Variants in BBS4 observed in about 807,000 individuals in gnomAD.
BBS4 encodes Bardet-Biedl syndrome 4.
In BBS4, 58 loss-of-function variants were observed where a neutral mutation model predicts 71.4. The observed-to-expected ratio is 0.81, with a 90% CI of 0.66 to 1.01. The LOEUF (loss-of-function observed/expected upper bound fraction) is 1.01. Among genes scored for constraint, BBS4 ranks in the 50% least tolerant of loss-of-function variants. BBS4 has a pLI of 0.00. For missense variants in BBS4, 660 were observed against 607.9 expected (o/e 1.09, Z -0.90); for synonymous variants, 228 against 216.8 (o/e 1.05, Z -0.46).
chr15:72,701,698 A>G (rs532451052), intron 2 of BBS4, among the ~76,000 whole-genome samples: 5 of 152,252 alleles, frequency 3.3e-5, no homozygotes, highest in East Asian at 1.9e-4. Flanking sequence ...TTAGTATCCT[A>G]TGTGCCCTTT....
chr15:72,736,238 C>CTTTT (rs35502034), intron 14 of BBS4, among the ~76,000 whole-genome samples: 32 of 113,454 alleles, frequency 2.8e-4, no homozygotes, highest in East Asian at 8.9e-4. Context: ...TTCTATTTCA[C>CTTTT]TTTTTTTTTT....
In BBS4 at chr15:72,729,626, A is replaced by G; in HGVS notation, c.653A>G (p.Tyr218Cys). 3.7e-6 allele frequency: 6 copies of G among 1,614,022 alleles called. No homozygotes were observed. The highest frequency in any genetic ancestry group is 5.1e-6 in the Non-Finnish European group (6 of 1,179,956). The change falls in exon 10 of 16, where the codon TAC becomes TGC. Residue 218 changes from tyrosine to cysteine, a missense_variant. Transcript: ENST00000268057. ...LGLLYLQLGI[Y>C]QKAFEHLGNA... ...TGCTTTTTTTCCAAGCTCGGCATTT[A>G]CCAGAAGGCATTTGAACATCTTGGC... is the stretch of plus-strand genomic sequence containing the variant.
At chr15:72,699,488 C>G (rs961624659) in intron 2 of BBS4, among the ~76,000 whole-genome samples, 4 of 152,128 alleles carry the variant, frequency 2.6e-5, no homozygotes, top group African/African-American at 9.7e-5. Flanking sequence ...GCTAGTAAAT[C>G]TTTAAATCTG....
At chr15:72,709,978 C>G (rs1333664073) in intron 3 of BBS4, among the ~76,000 whole-genome samples, 199 bp downstream of exon 3, 2 of 152,086 alleles carry the variant, frequency 1.3e-5, no homozygotes. Context: ...TGGCCCCCAA[C>G]AAACAAATAT....
At chr15:72,697,744 T>G (rs1268775633) in intron 2 of BBS4, among the ~76,000 whole-genome samples, 2 of 152,206 alleles carry the variant, frequency 1.3e-5, no homozygotes, top group African/African-American at 4.8e-5. Context: ...TCTCCCTCAC[T>G]CTTTCCTCCT....
At chr15:72,735,370 CTG>C in intron 13 of BBS4, 188 bp downstream of exon 13, 1 of 633,834 alleles carries the variant, frequency 1.6e-6, no homozygotes, top group Non-Finnish European at 2.9e-6. Flanking sequence ...AATTGACACT[CTG>C]AGAAAATGTT....
At chr15:72,688,259 C>T (rs546736552) in intron 1 of BBS4, among the ~76,000 whole-genome samples, 2 of 151,712 alleles carry the variant, frequency 1.3e-5, no homozygotes, top group Non-Finnish European at 2.9e-5. Flanking sequence ...GCTTTTGTTT[C>T]GATATGACTT....
chr15:72,733,936 ATATTT>A (rs922845391), intron 12 of BBS4, among the ~76,000 whole-genome samples: 2 of 152,152 alleles, frequency 1.3e-5, no homozygotes, highest in African/African-American at 2.4e-5. Flanking sequence ...CCAGGATGTT[ATATTT>A]TGAGTTTTTA....
Position 72,736,813 on chromosome 15 carries a change from C to A in BBS4, c.1300C>A (p.Leu434Met). The A allele has an allele frequency of 6.2e-7, 1 of 1,614,222 alleles. No individual in the cohort carries two copies. The highest frequency in any genetic ancestry group is 8.5e-7 in the Non-Finnish European group (1 of 1,180,032). ...LGAALQVGEA[L>M]VWTKPVKDPK... ...AGCTGCTCTCCAGGTTGGGGAGGCA[C>A]TGGTCTGGACCAAACCAGTTAAAGA... The change falls in exon 15 of 16, where the codon CTG (leucine) becomes ATG (methionine). Residue 434 changes from leucine (L) to methionine (M), a missense_variant. Leu to Met is a conservative substitution (Grantham distance 15, BLOSUM62 2). Coordinates refer to ENST00000268057, the MANE Select transcript of BBS4 (RefSeq NM_033028.5).
At position 72,713,584 on chromosome 15, in the gene BBS4, C is replaced by T. The variant is rs559329462; in HGVS notation, c.220+1277C>T. 9.7e-4 allele frequency among the ~76,000 whole-genome samples: 148 copies of T among 152,142 alleles called. 1 individual carries two copies. Among genetic ancestry groups the T allele is most frequent in the Middle Eastern group, 3.4e-3 (1 of 294 alleles). On this transcript the variant is annotated intron_variant, in intron 4 of 15. Transcript: ENST00000268057. Reference sequence around the variant, plus strand: ...CTAAAATAAAGATTAAAATGTATAGCGTAGTAAATACATAAACCAGTAATG... The same window carrying T: ...CTAAAATAAAGATTAAAATGTATAGTGTAGTAAATACATAAACCAGTAATG...
At chr15:72,735,802 C>T in intron 13 of BBS4, 23 bp from the exon 14 acceptor site, 1 of 1,614,066 alleles carries the variant, frequency 6.2e-7, no homozygotes, top group Non-Finnish European at 8.5e-7. Context: ...CCCCCAGCTC[C>T]ATAGAATCTC....
At position 72,709,748 on chromosome 15, in the gene BBS4, A is replaced by G. The variant is rs767043854; in HGVS notation, c.125A>G (p.His42Arg). ...AAGCAGAACTGGTTGATTCATCTTC[A>G]TTATATCCGGAAAGATTATGAAGCC... is the stretch of plus-strand genomic sequence containing the variant. The part of the protein sequence containing the change: ...LEKQNWLIHL[H>R]YIRKDYEACK... Residue 42 changes from histidine (H) to arginine (R), a missense_variant, in exon 3 of 16, where the codon CAT becomes CGT. Coordinates refer to ENST00000268057, the MANE Select transcript of BBS4 (RefSeq NM_033028.5). The G allele has an allele frequency of 6.2e-7, 1 of 1,613,836 alleles. No homozygotes were observed. Among genetic ancestry groups the G allele is most frequent in the Non-Finnish European group, 8.5e-7 (1 of 1,179,866 alleles).
intron 1 of BBS4, among the ~76,000 whole-genome samples, chr15:72,687,124 C>CTTATTTTTTTTTTTTTTTTTTTT (rs2064865767): frequency 1.3e-5 from 1 of 76,210 alleles, no homozygotes; most frequent in African/African-American, 4.9e-5. Flanking sequence ...AAGACAGAAA[C>CTTATTTTTTTTTTTTTTTTTTTT]TTTTTTTTTT....
chr15:72,736,530 C>T (rs1175057441), intron 14 of BBS4, among the ~76,000 whole-genome samples: 2 of 152,094 alleles, frequency 1.3e-5, no homozygotes, highest in Non-Finnish European at 2.9e-5. Context: ...ACTGTTTGGC[C>T]CGGTAATGCA....
At chr15:72,730,581 C>T (rs1816976146) in intron 10 of BBS4, among the ~76,000 whole-genome samples, 1 of 124,664 alleles carries the variant, frequency 8.0e-6, no homozygotes. Flanking sequence ...GACAGAGACC[C>T]TGTCTCTAAA....
At position 72,737,590 on chromosome 15, in the gene BBS4, A is replaced by G; in HGVS notation, c.*3A>G. The G allele has an allele frequency of 1.3e-6, 2 of 1,595,264 alleles. No individual in the cohort carries two copies. The highest frequency in any genetic ancestry group is 1.7e-6 in the Non-Finnish European group (2 of 1,168,778). ...CAGAACAAATAAGAGAGAAATAAGAATAGAATGAATGACCCCAAAATAGGG... is the reference window on the plus strand; with the variant it reads ...CAGAACAAATAAGAGAGAAATAAGAGTAGAATGAATGACCCCAAAATAGGG... On this transcript the variant is annotated 3_prime_UTR_variant, in exon 16 of 16. Coordinates refer to ENST00000268057, the MANE Select transcript of BBS4 (RefSeq NM_033028.5).
intron 3 of BBS4, among the ~76,000 whole-genome samples, chr15:72,711,472 C>A (rs2065371223): frequency 6.6e-6 from 1 of 152,098 alleles, no homozygotes. Context: ...TTGAAAGGTT[C>A]TCTTTCTTTT....
intron 1 of BBS4, chr15:72,686,639 A>G: frequency 8.9e-7 from 1 of 1,123,426 alleles, no homozygotes; most frequent in Non-Finnish European, 1.2e-6. Flanking sequence ...GGAAGCTTGC[A>G]GCGTCACTGC....
intron 1 of BBS4, among the ~76,000 whole-genome samples, chr15:72,689,806 T>G (rs1202378784): frequency 6.6e-6 from 1 of 150,908 alleles, no homozygotes; most frequent in Non-Finnish European, 1.5e-5. Flanking sequence ...ATTTATTTAT[T>G]TATTTATTTA....
Sources: gnomAD v4.1 joint callset for allele counts (sites outside exome capture counted in the v4.1 genomes callset) on GRCh38, gnomAD v4.1.1 for gene constraint, MANE v1.5 for transcripts, NCBI Gene and HGNC (gene_info 2026-07-23, HGNC 2026-07-21) for gene names.